The following DST variants were observed in gnomAD, a reference collection of about 807,000 sequenced individuals.
The protein encoded by DST is dystonin.
Under a neutral mutation model 875.2 loss-of-function variants are expected in DST, and 253 were observed. That is an observed-to-expected ratio of 0.29 (90% CI 0.26 to 0.32). The LOEUF is 0.32. Among genes scored for constraint, DST ranks in the 10% least tolerant of loss-of-function variants. DST has a pLI of 1.00. For synonymous variants in DST, 3,124 were observed against 3,197.1 expected (o/e 0.98, Z 0.77); for missense variants, 8,287 against 9,111.6 (o/e 0.91, Z 3.68).
chr6:56,673,304 A>T (rs897627556), intron 9 of DST, among the ~76,000 whole-genome samples: 1 of 152,116 alleles, frequency 6.6e-6, no homozygotes, highest in African/African-American at 2.4e-5. Flanking sequence ...GAAAAAGTTG[A>T]GCCTCTTGGT....
At chr6:56,641,179 C>T (rs567225474) in intron 17 of DST, among the ~76,000 whole-genome samples, 2 of 151,850 alleles carry the variant, frequency 1.3e-5, no homozygotes, top group South Asian at 2.1e-4. Context: ...CATACTTACC[C>T]CCATACACAC....
chr6:56,535,386 G>A, intron 62 of DST, 94 bp from the exon 63 acceptor site: 1 of 1,366,782 alleles, frequency 7.3e-7, no homozygotes, highest in Non-Finnish European at 9.6e-7. Flanking sequence ...ATTTTCCCGT[G>A]TGGTCACAAA....
chr6:56,557,086 G>C (rs1239276068), intron 59 of DST, among the ~76,000 whole-genome samples: 1 of 152,164 alleles, frequency 6.6e-6, no homozygotes, highest in African/African-American at 2.4e-5. Context: ...AGGAGACTTG[G>C]CCCATTCATG....
chr6:56,758,222 C>CTAT (rs1361818609), intron 4 of DST, among the ~76,000 whole-genome samples: 1 of 152,192 alleles, frequency 6.6e-6, no homozygotes, highest in East Asian at 1.9e-4. Context: ...CTAGATGTGG[C>CTAT]TATGTTCCAG....
chr6:56,729,838 A>G (rs2099489872), intron 5 of DST, among the ~76,000 whole-genome samples: 1 of 152,166 alleles, frequency 6.6e-6, no homozygotes, highest in African/African-American at 2.4e-5. Context: ...CACTGACTTC[A>G]CTATGTGGGC....
At chr6:56,479,930 TATATG>T (rs1276029361) in intron 90 of DST, among the ~76,000 whole-genome samples, 1 of 152,220 alleles carries the variant, frequency 6.6e-6, no homozygotes, top group Non-Finnish European at 1.5e-5. Flanking sequence ...AATTTAAATT[TATATG>T]ATATGTTTAT....
chr6:56,927,240 G>A lies in DST; in HGVS notation c.216+26545C>T, dbSNP rs942915137. ...TAATGAAATAAGTTTCCCATTATAT[G>A]ATACCAAACTAGTACCCAACCCAGA... On this transcript the variant is annotated intron_variant, in intron 2 of 103. Coordinates refer to ENST00000680361, the MANE Select transcript of DST (RefSeq NM_001374736.1). Among the ~76,000 whole-genome samples the A allele has an allele frequency of 2.6e-5, 4 of 151,934 alleles. 1 individual carries two copies. The highest frequency in any genetic ancestry group is 1.9e-4 in the East Asian group (1 of 5,188).
chr6:56,573,639 T>TA lies in DST; in HGVS notation c.13236+39dup, dbSNP rs545344762. On this transcript the variant is annotated intron_variant, in intron 51 of 103. Coordinates refer to ENST00000680361, the MANE Select transcript of DST (RefSeq NM_001374736.1). Reference sequence around the variant, plus strand: ...CTTTGAGCTTATAAAACTGTTTTTTTAAAAAACTGAAAATGGGACTTTTTT... The same window carrying TA: ...CTTTGAGCTTATAAAACTGTTTTTTTAAAAAAACTGAAAATGGGACTTTTTT... 1.5e-4 allele frequency: 233 copies of TA among 1,523,142 alleles called. No individual in the cohort carries two copies. In the African/African-American group the frequency reaches 2.8e-3, roughly 18 times the overall value. 94.4% of individuals were successfully genotyped at this position (1,523,142 alleles called of 1,614,324 possible).
At chr6:56,538,643 C>G (rs1185634448) in intron 61 of DST, among the ~76,000 whole-genome samples, 2 of 152,120 alleles carry the variant, frequency 1.3e-5, no homozygotes, top group African/African-American at 4.8e-5. Context: ...AATTAGAGAA[C>G]AGCAAACAAA....
At chr6:56,762,758 A>G (rs1246066418) in intron 4 of DST, among the ~76,000 whole-genome samples, 3 of 151,286 alleles carry the variant, frequency 2.0e-5, no homozygotes, top group Non-Finnish European at 4.4e-5. Context: ...TTGCTTGATT[A>G]GTTTATTGCT....
At chr6:56,493,201 A>G (rs2095806563) in intron 83 of DST, 112 bp from the exon 84 acceptor site, 3 of 795,366 alleles carry the variant, frequency 3.8e-6, no homozygotes, top group Admixed American at 6.4e-5. Flanking sequence ...TTATTTATGC[A>G]TATCTATTAA....
intron 100 of DST, chr6:56,464,115 T>C (rs2094466329): frequency 1.0e-5 from 4 of 387,774 alleles, no homozygotes; most frequent in South Asian, 2.1e-5. Flanking sequence ...CATGGTTTCA[T>C]TACCCTCTCA....
intron 2 of DST, among the ~76,000 whole-genome samples, chr6:56,904,507 G>A (rs1345507404): frequency 6.6e-6 from 1 of 152,032 alleles, no homozygotes; most frequent in Non-Finnish European, 1.5e-5. Flanking sequence ...ACACAGCATA[G>A]AAAAAATACT....
chr6:56,610,412 A>T lies in DST; in HGVS notation c.5283+15T>A. 1 of 1,528,054 alleles carries T rather than the reference A, an allele frequency of 6.5e-7. No individual in the cohort carries two copies. The highest frequency in any genetic ancestry group is 8.8e-7 in the Non-Finnish European group (1 of 1,138,150). 94.7% of individuals were successfully genotyped at this position (1,528,054 alleles called of 1,614,324 possible). On this transcript the variant is annotated intron_variant, in intron 39 of 103. Coordinates refer to ENST00000680361, the MANE Select transcript of DST (RefSeq NM_001374736.1). ...GCTTCTTGAAACAGCCTCATGTTTA[A>T]ATAAATAATATTACCTTCTCCTCTA...
chr6:56,826,640 TA>T (rs1479359166), intron 4 of DST, among the ~76,000 whole-genome samples: 1 of 152,200 alleles, frequency 6.6e-6, no homozygotes, highest in Non-Finnish European at 1.5e-5. Context: ...ATGGCAGAGA[TA>T]TTAGAAGTCA....
chr6:56,777,044 T>C lies in DST; in HGVS notation c.626-41755A>G, dbSNP rs79887600. ...AACATGGTCCATTATGTTTTATAAA[T>C]TGGCTAGAAATTAAGAATGAATACT... On this transcript the variant is annotated intron_variant, in intron 4 of 103. Transcript: ENST00000680361. 7.9e-3 allele frequency among the ~76,000 whole-genome samples: 1,208 copies of C among 152,248 alleles called. 25 individuals are homozygous for C. Among genetic ancestry groups the C allele is most frequent in the African/African-American group, 0.028 (1,146 of 41,516 alleles).
At chr6:56,481,056 C>T (rs1301581039) in intron 90 of DST, among the ~76,000 whole-genome samples, 1 of 152,174 alleles carries the variant, frequency 6.6e-6, no homozygotes, top group Non-Finnish European at 1.5e-5. Context: ...GCATTTCATT[C>T]TTCCAGAAAA....
At chr6:56,584,502 A>C (rs2098102285) in intron 49 of DST, among the ~76,000 whole-genome samples, 1 of 149,960 alleles carries the variant, frequency 6.7e-6, no homozygotes, top group Non-Finnish European at 1.5e-5. Flanking sequence ...GGCTGAGGCC[A>C]TGGGGTTTTC....
chr6:56,941,912 ACT>A (rs1401516339), intron 2 of DST, among the ~76,000 whole-genome samples: 2 of 151,800 alleles, frequency 1.3e-5, no homozygotes, highest in African/African-American at 4.8e-5. Flanking sequence ...ATGCTTATAA[ACT>A]CTGTTGATCA....
Sources: allele counts gnomAD v4.1 joint callset (sites outside exome capture counted in the v4.1 genomes callset), GRCh38; gene constraint gnomAD v4.1.1; transcripts MANE v1.5; gene names NCBI Gene and HGNC (gene_info 2026-07-23, HGNC 2026-07-21).